AQR: variants seen among roughly 807,000 people sequenced by gnomAD.
AQR encodes the protein RNA helicase aquarius.
In AQR, 61 loss-of-function variants were observed where a neutral mutation model predicts 180.5. That is an observed-to-expected ratio of 0.34 (90% CI 0.28 to 0.42). AQR has a LOEUF of 0.42. AQR is among the 10% of genes least tolerant of loss of function. The probability of loss-of-function intolerance (pLI) is 1.00; values close to 1 mark genes in which losing one functional copy is unlikely to be tolerated. For missense variants in AQR, 1,281 were observed against 1,798.3 expected (o/e 0.71, Z 5.20); for synonymous variants, 551 against 588.8 (o/e 0.94, Z 0.93).
intron 9 of AQR, among the ~76,000 whole-genome samples, chr15:34,935,900 T>C (rs963564860): frequency 6.6e-6 from 1 of 152,258 alleles, no homozygotes; most frequent in South Asian, 2.1e-4. Context: ...CTTGTAACTG[T>C]CAAAGGAAAA....
intron 8 of AQR, among the ~76,000 whole-genome samples, chr15:34,939,953 T>C (rs987031648): frequency 3.3e-5 from 5 of 152,198 alleles, no homozygotes; most frequent in Non-Finnish European, 7.3e-5. Flanking sequence ...TAAGTCTGAT[T>C]GTAGAACCTA....
chr15:34,883,063 C>A (rs569518332), intron 26 of AQR, among the ~76,000 whole-genome samples: 1 of 152,246 alleles, frequency 6.6e-6, no homozygotes, highest in Admixed American at 6.5e-5. Flanking sequence ...TCACTATCAT[C>A]CCTAGACTAG....
intron 31 of AQR, chr15:34,869,246 T>C (rs1892780945): frequency 5.9e-5 from 9 of 152,192 alleles, no homozygotes. Flanking sequence ...TTAATTTCTA[T>C]TTCCTTGACA....
intron 16 of AQR, among the ~76,000 whole-genome samples, chr15:34,911,725 T>G (rs72698505): frequency 1.3e-3 from 203 of 152,328 alleles, no homozygotes; most frequent in Middle Eastern, 3.4e-3. Flanking sequence ...AATATTTTCT[T>G]CCATTCTGTA....
chr15:34,950,736 A>G (rs1673703367), intron 4 of AQR, among the ~76,000 whole-genome samples: 1 of 152,158 alleles, frequency 6.6e-6, no homozygotes. Flanking sequence ...TGCTTATAGT[A>G]GAGAATATTA....
intron 31 of AQR, 140 bp downstream of exon 31, chr15:34,870,610 CAG>C (rs1384663393): frequency 7.7e-6 from 5 of 648,640 alleles, no homozygotes; most frequent in South Asian, 3.8e-5. Flanking sequence ...GCAAGACTGT[CAG>C]AGAGTTATTT....
intron 19 of AQR, among the ~76,000 whole-genome samples, chr15:34,901,587 G>A (rs1893332479): frequency 6.6e-6 from 1 of 152,138 alleles, no homozygotes; most frequent in African/African-American, 2.4e-5. Flanking sequence ...TGGAGGCTAG[G>A]CTATTAATTT....
Position 34,886,088 on chromosome 15 carries a change from G to A in AQR, c.2817+438C>T, listed in dbSNP as rs550055457. On this transcript the variant is annotated intron_variant, in intron 25 of 34. Coordinates refer to ENST00000156471, the MANE Select transcript of AQR (RefSeq NM_014691.3). Reference sequence around the variant, plus strand: ...GAAGCCTTTAACTTCAAGACCCACTGTGCAATTAGTTGTAAGACATAATTT... The same window carrying A: ...GAAGCCTTTAACTTCAAGACCCACTATGCAATTAGTTGTAAGACATAATTT... Among the ~76,000 whole-genome samples, 4 of 152,240 alleles carry A rather than the reference G, an allele frequency of 2.6e-5. No individual in the cohort carries two copies. The East Asian group carries it at 7.7e-4, about 29-fold the overall frequency.
intron 15 of AQR, among the ~76,000 whole-genome samples, chr15:34,917,085 A>G (rs1215853015): frequency 1.3e-5 from 2 of 152,092 alleles, no homozygotes; most frequent in Non-Finnish European, 1.5e-5. Flanking sequence ...CGCTATCTTG[A>G]ATTTCTTTAT....
At chr15:34,967,670 A>C (rs1020173861) in intron 1 of AQR, among the ~76,000 whole-genome samples, 3 of 152,178 alleles carry the variant, frequency 2.0e-5, no homozygotes, top group Non-Finnish European at 4.4e-5. Flanking sequence ...CAAATAAACG[A>C]AGTTCTGTAC....
chr15:34,954,118 T>C lies in AQR; in HGVS notation c.174-1198A>G, dbSNP rs181028289. On this transcript the variant is annotated intron_variant, in intron 3 of 34. Transcript: ENST00000156471. ...TTTAGTAGAGATAGGGGTTTCCCCA[T>C]GTTGTCCAGGTTGGTCTCGAACTCC... Among the ~76,000 whole-genome samples, 144 of 152,248 alleles carry C rather than the reference T, an allele frequency of 9.5e-4. 1 individual carries two copies. The highest frequency in any genetic ancestry group is 3.2e-3 in the Admixed American group (49 of 15,282).
chr15:34,966,018 G>A (rs996340238), intron 1 of AQR, among the ~76,000 whole-genome samples: 6 of 152,138 alleles, frequency 3.9e-5, no homozygotes, highest in South Asian at 2.1e-4. Flanking sequence ...AACGTGTAAT[G>A]TCTCAAATAT....
chr15:34,932,473 A>G (rs1244000791), intron 10 of AQR, 39 bp from the exon 11 acceptor site: 1 of 1,380,558 alleles, frequency 7.2e-7, no homozygotes, highest in East Asian at 2.3e-5. Flanking sequence ...GTTTGCATCT[A>G]TTCTCCACAG....
rs1356245948 is a variant in AQR at position 34,870,830 on chromosome 15, A to G, written c.3690T>C (p.Tyr1230=). 7 of 1,613,416 alleles carry G rather than the reference A, an allele frequency of 4.3e-6. No individual in the cohort carries two copies. Among genetic ancestry groups the G allele is most frequent in the African/African-American group, 2.7e-5 (2 of 74,896 alleles). ...CGCGAATAAGATGCTTTTGGCCATT[A>G]TATGTTGTTAGAATACTGATTTTGT... ...PADKISILTT[Y]NGQKHLIRDI... Residue 1230 remains tyrosine, a synonymous_variant, in exon 31 of 35, where the codon TAT becomes TAC. Transcript: ENST00000156471.
At chr15:34,952,710 C>T (rs1894251592) in intron 4 of AQR, among the ~76,000 whole-genome samples, 175 bp downstream of exon 4, 2 of 152,186 alleles carry the variant, frequency 1.3e-5, no homozygotes, top group Admixed American at 1.3e-4. Flanking sequence ...TGGCAATGGG[C>T]CATCATCTTT....
chr15:34,889,132 TTA>T (rs1893103716), intron 24 of AQR, among the ~76,000 whole-genome samples: 1 of 152,206 alleles, frequency 6.6e-6, no homozygotes, highest in African/African-American at 2.4e-5. Flanking sequence ...TTATTAGATT[TTA>T]GAGTCTAACC....
intron 32 of AQR, among the ~76,000 whole-genome samples, chr15:34,863,805 T>C (rs1441737620): frequency 6.6e-6 from 1 of 152,190 alleles, no homozygotes. Context: ...CAAATAAATG[T>C]GAAGAGGGCT....
At chr15:34,881,295 T>C (rs1892969440) in intron 27 of AQR, among the ~76,000 whole-genome samples, 1 of 152,228 alleles carries the variant, frequency 6.6e-6, no homozygotes, top group South Asian at 2.1e-4. Context: ...TTGTCCTACC[T>C]TGCAGCTGAG....
At chr15:34,870,098 C>T (rs1892794755) in intron 31 of AQR, 1 of 152,098 alleles carries the variant, frequency 6.6e-6, no homozygotes, top group Admixed American at 6.6e-5. Flanking sequence ...ACAAAAGGCC[C>T]TCTTTTCTTC....
Sources: allele counts gnomAD v4.1 joint callset (sites outside exome capture counted in the v4.1 genomes callset), GRCh38; gene constraint gnomAD v4.1.1; transcripts MANE v1.5; gene names NCBI Gene and HGNC (gene_info 2026-07-23, HGNC 2026-07-21).